Variants in ARCN1 observed in about 807,000 individuals in gnomAD.
ARCN1 encodes the protein coatomer subunit delta.
A neutral mutation model predicts 60.4 loss-of-function variants in ARCN1; 5 were observed. The ratio of observed to expected loss-of-function variants is 0.08; its 90% CI spans 0.04 to 0.17. ARCN1 has a LOEUF of 0.17. ARCN1 is among the 10% of genes least tolerant of loss of function. The pLI is 1.00. For missense variants in ARCN1, 464 were observed against 626.5 expected (o/e 0.74, Z 2.77); for synonymous variants, 224 against 220.0 (o/e 1.02, Z -0.16).
At chr11:118,598,488 ATTTTTTTTTTTTT>A (rs1174732773) in intron 9 of ARCN1, among the ~76,000 whole-genome samples, 1 of 111,132 alleles carries the variant, frequency 9.0e-6, no homozygotes, top group African/African-American at 3.5e-5. Flanking sequence ...GTTCCTTCGG[ATTTTTTTTTTTTT>A]TTTTTTTTTT....
chr11:118,592,496 G>C (rs1555076452), intron 6 of ARCN1, among the ~76,000 whole-genome samples: 3 of 151,968 alleles, frequency 2.0e-5, no homozygotes. Context: ...GTTGAAATTA[G>C]CTTTTTTTTT....
rs116352101 is a variant in ARCN1, at chr11:118,593,344, C to A, written c.1133-246C>A. Among the ~76,000 whole-genome samples the A allele has an allele frequency of 4.6e-3, 694 of 151,716 alleles. 5 individuals carry two copies. The highest frequency in any genetic ancestry group is 0.016 in the African/African-American group (661 of 41,316). ...CCTGGGTTCAGCTGATCTCCCACCTCAGCCTCCTGAGTAGCTAGGAGAACA... is the reference window on the plus strand; with the variant it reads ...CCTGGGTTCAGCTGATCTCCCACCTAAGCCTCCTGAGTAGCTAGGAGAACA... On this transcript the variant is annotated intron_variant, in intron 7 of 9. Coordinates refer to ENST00000264028, the MANE Select transcript of ARCN1 (RefSeq NM_001655.5).
intron 3 of ARCN1, 63 bp downstream of exon 3, chr11:118,583,421 C>T: frequency 6.7e-7 from 1 of 1,488,972 alleles, no homozygotes; most frequent in East Asian, 2.4e-5. Context: ...TCACTAATCT[C>T]ATTTTCCTAT....
Position 118,590,437 on chromosome 11 carries a change from C to T in ARCN1, c.915C>T (p.Ile305=). 6.2e-7 allele frequency: 1 copy of T among 1,614,166 alleles called. No individual in the cohort carries two copies. The highest frequency in any genetic ancestry group is 1.1e-5 in the South Asian group (1 of 91,084). The change falls in exon 6 of 10, where the codon ATC becomes ATT. Residue 305 remains isoleucine (I), a synonymous_variant. Transcript: ENST00000264028. ...MELHGMIMLR[I]SDDKYGRIRL... is the part of the protein sequence containing the mutation. ...TGCATGGCATGATCATGCTTAGGAT[C>T]TCAGATGACAAGTATGGCCGAATTC...
In ARCN1 at chr11:118,586,224, T is replaced by A. The variant is rs138746950; in HGVS notation, c.818+1580T>A. Among the ~76,000 whole-genome samples the A allele has an allele frequency of 9.1e-4, 138 of 152,234 alleles. 4 individuals carry two copies. The East Asian group carries it at 0.012, about 13-fold the overall frequency. The stretch of plus-strand genomic sequence containing the variant: ...AATTCTCCTGCCTCAGCCTCCCAAG[T>A]GGCTGGGATTACAGGTGCACGCCAT... On this transcript the variant is annotated intron_variant, in intron 5 of 9. Coordinates refer to ENST00000264028, the MANE Select transcript of ARCN1 (RefSeq NM_001655.5).
Position 118,601,339 on chromosome 11 carries a change from G to A in ARCN1, c.*625G>A, listed in dbSNP as rs1339254591. ...AGCCTCCCAAAGTGTTGGGATTACA[G>A]GCATGAGCCACCATGCCCAGCTGCT... On this transcript the variant is annotated 3_prime_UTR_variant, in exon 10 of 10. Coordinates refer to ENST00000264028, the MANE Select transcript of ARCN1 (RefSeq NM_001655.5). 1.3e-5 allele frequency: 6 copies of A among 458,658 alleles called. No individual in the cohort carries two copies. The Admixed American group carries it at 1.6e-4, about 13-fold the overall frequency. The allele number at this position is 458,658 out of a possible 1,614,324, so 28.4% of individuals were successfully genotyped here.
rs10892245 is a variant in ARCN1 at position 118,601,639 on chromosome 11, C to A, written c.*925C>A. 120,507 of 702,740 alleles carry A rather than the reference C, an allele frequency of 0.17. 14,111 individuals carry two copies. Among genetic ancestry groups the A allele is most frequent in the East Asian group, 0.48 (18,040 of 37,258 alleles). 43.5% of individuals were successfully genotyped at this position (702,740 alleles called of 1,614,324 possible). A position where few individuals can be genotyped will look rare whatever the true frequency, so the allele number is the denominator to read the frequency against. On this transcript the variant is annotated 3_prime_UTR_variant, in exon 10 of 10. Coordinates refer to ENST00000264028, the MANE Select transcript of ARCN1 (RefSeq NM_001655.5). ...TATGGGGTCTAGAAGTTAAAAGATA[C>A]GCATGTCTTCTGTTCTTTTCCCGTA...
chr11:118,589,400 C>T (rs1555075934), intron 5 of ARCN1, among the ~76,000 whole-genome samples: 1 of 152,074 alleles, frequency 6.6e-6, no homozygotes, highest in Non-Finnish European at 1.5e-5. Flanking sequence ...CCATTGCCTA[C>T]TATTCATTCG....
At chr11:118,591,501 C>T (rs782798578) in intron 6 of ARCN1, among the ~76,000 whole-genome samples, 6 of 152,168 alleles carry the variant, frequency 3.9e-5, no homozygotes, top group Non-Finnish European at 5.9e-5. Flanking sequence ...AAGCAGTTCT[C>T]CTGCCTCAGC....
chr11:118,572,910 C>T, intron 1 of ARCN1: 1 of 294,038 alleles, frequency 3.4e-6, no homozygotes, highest in Middle Eastern at 9.3e-4. Flanking sequence ...CCGCCGGTTC[C>T]CTGGCGCTTA....
chr11:118,588,284 T>C (rs1266833594), intron 5 of ARCN1, among the ~76,000 whole-genome samples: 5 of 152,164 alleles, frequency 3.3e-5, no homozygotes, highest in Admixed American at 2.6e-4. Flanking sequence ...CTCCAGGATA[T>C]GGTGCAGGAC....
chr11:118,577,928 C>T (rs772810756), intron 1 of ARCN1, among the ~76,000 whole-genome samples: 8 of 151,998 alleles, frequency 5.3e-5, no homozygotes, highest in Admixed American at 1.3e-4. Context: ...GGCCAAGGCG[C>T]GCAGATGACT....
At chr11:118,594,954 A>G (rs1172815257) in intron 8 of ARCN1, among the ~76,000 whole-genome samples, 1 of 152,142 alleles carries the variant, frequency 6.6e-6, no homozygotes, top group Non-Finnish European at 1.5e-5. Context: ...GGTTCAAGCG[A>G]TTCTCGTGCC....
At chr11:118,586,047 T>A (rs1382200039) in intron 5 of ARCN1, among the ~76,000 whole-genome samples, 2 of 152,222 alleles carry the variant, frequency 1.3e-5, no homozygotes, top group Admixed American at 1.3e-4. Flanking sequence ...AGGATACCTT[T>A]ATCAGGTGTG....
Position 118,602,240 on chromosome 11 carries a change from T to A in ARCN1, c.*1526T>A, listed in dbSNP as rs1363245800. The A allele has an allele frequency of 6.4e-6, 1 of 155,196 alleles. No individual in the cohort carries two copies. The highest frequency in any genetic ancestry group is 2.4e-5 in the African/African-American group (1 of 41,468). The allele number at this position is 155,196 out of a possible 1,614,324, so 9.6% of individuals were successfully genotyped here. A position where few individuals can be genotyped will look rare whatever the true frequency, so the allele number is the denominator to read the frequency against. On this transcript the variant is annotated 3_prime_UTR_variant, in exon 10 of 10. Coordinates refer to ENST00000264028, the MANE Select transcript of ARCN1 (RefSeq NM_001655.5). ...CAGTCTGTCCCCATCTCTGAAATCC[T>A]TCCTTCTCTTTCCCCCTAAGTCTTT...
intron 8 of ARCN1, among the ~76,000 whole-genome samples, chr11:118,595,042 G>A (rs1054468175): frequency 2.6e-5 from 4 of 151,900 alleles, no homozygotes; most frequent in Non-Finnish European, 5.9e-5. Context: ...TAGAGATGGG[G>A]TTTCACTATG....
chr11:118,596,617 A>G (rs1361275116), intron 8 of ARCN1, among the ~76,000 whole-genome samples: 2 of 152,188 alleles, frequency 1.3e-5, no homozygotes, highest in Admixed American at 1.3e-4. Context: ...TATTTACCCT[A>G]TCCCTAATAT....
rs782180226 is a variant in ARCN1 at position 118,592,721 on chromosome 11, G to A, written c.997G>A (p.Val333Met). 16 of 1,613,860 alleles carry A rather than the reference G, an allele frequency of 9.9e-6. No individual in the cohort carries two copies. Among genetic ancestry groups the A allele is most frequent in the Non-Finnish European group, 1.3e-5 (15 of 1,179,864 alleles). Residue 333 changes from valine to methionine, a missense_variant, in exon 7 of 10, where the codon GTG becomes ATG. By Grantham distance (21) the Val-to-Met change is conservative. Transcript: ENST00000264028. Reference sequence around the variant, plus strand: ...CCTCTCATTCTAGACCCATCCAAATGTGGATAAAAAACTTTTCACTGCAGA... The same window carrying A: ...CCTCTCATTCTAGACCCATCCAAATATGGATAAAAAACTTTTCACTGCAGA... ...KGVQLQTHPN[V>M]DKKLFTAESL...
intron 7 of ARCN1, among the ~76,000 whole-genome samples, chr11:118,593,351 C>A (rs1217014579): frequency 6.6e-6 from 1 of 151,010 alleles, no homozygotes; most frequent in Non-Finnish European, 1.5e-5. Flanking sequence ...CCTCAGCCTC[C>A]TGAGTAGCTA....
Sources: gnomAD v4.1 joint callset for allele counts (sites outside exome capture counted in the v4.1 genomes callset) on GRCh38, gnomAD v4.1.1 for gene constraint, MANE v1.5 for transcripts, NCBI Gene and HGNC (gene_info 2026-07-23, HGNC 2026-07-21) for gene names.